NCKAP1: variants seen among roughly 807,000 people sequenced by gnomAD.
NCKAP1 encodes the protein nck-associated protein 1.
NCKAP1 carries 21 observed loss-of-function variants against 151.2 expected under a neutral mutation model. That is an observed-to-expected ratio of 0.14 (90% CI 0.10 to 0.20). NCKAP1 has a LOEUF of 0.20. Ranked by LOEUF, NCKAP1 falls within the 10% of genes least tolerant of loss-of-function variation. The pLI is 1.00. For missense variants in NCKAP1, 933 were observed against 1,352.1 expected, an observed-to-expected ratio of 0.69 and a Z score of 4.86; for synonymous variants, 484 against 451.8, an observed-to-expected ratio of 1.07 and a Z score of -0.90.
At chr2:182,926,458 A>G (rs1696650293) in intron 30 of NCKAP1, among the ~76,000 whole-genome samples, 1 of 152,074 alleles carries the variant, frequency 6.6e-6, no homozygotes, top group African/African-American at 2.4e-5. Flanking sequence ...AGAATTACAG[A>G]AAATTACGAG....
chr2:182,935,599 G>T (rs544437515), intron 24 of NCKAP1: 2 of 319,456 alleles, frequency 6.3e-6, no homozygotes, highest in Non-Finnish European at 1.1e-5. Flanking sequence ...ATCAAATGGA[G>T]TATATTGTGC....
chr2:182,958,576 T>TA (rs1048112850), intron 18 of NCKAP1, among the ~76,000 whole-genome samples: 4 of 152,140 alleles, frequency 2.6e-5, no homozygotes, highest in African/African-American at 7.2e-5. Context: ...GCAAGTGTAA[T>TA]AAAAAAATTT....
chr2:183,025,415 T>C (rs916414616), intron 1 of NCKAP1, among the ~76,000 whole-genome samples: 3 of 152,144 alleles, frequency 2.0e-5, no homozygotes, highest in Admixed American at 1.3e-4. Flanking sequence ...TCAGCTCAAA[T>C]TGTAACTATT....
At chr2:182,931,108 T>C (rs1696754105) in intron 26 of NCKAP1, among the ~76,000 whole-genome samples, 1 of 152,102 alleles carries the variant, frequency 6.6e-6, no homozygotes, top group East Asian at 1.9e-4. Flanking sequence ...AAAAGATGAA[T>C]AAATGAACAA....
intron 2 of NCKAP1, among the ~76,000 whole-genome samples, chr2:183,019,636 C>G (rs1382101380): frequency 6.6e-6 from 1 of 152,182 alleles, no homozygotes; most frequent in African/African-American, 2.4e-5. Flanking sequence ...CTCAAAAATA[C>G]TTGGCTTAAT....
intron 26 of NCKAP1, among the ~76,000 whole-genome samples, chr2:182,934,211 C>G (rs1239231343): frequency 2.0e-5 from 3 of 151,812 alleles, no homozygotes; most frequent in Non-Finnish European, 2.9e-5. Context: ...GGTCTCAGCT[C>G]GCTACACGCT....
At chr2:182,958,012 C>A (rs1371242814) in intron 18 of NCKAP1, among the ~76,000 whole-genome samples, 2 of 152,150 alleles carry the variant, frequency 1.3e-5, no homozygotes, top group African/African-American at 4.8e-5. Flanking sequence ...TGGAGCATAA[C>A]GTGTAAGGTA....
chr2:182,980,211 T>C (rs1340049025), intron 13 of NCKAP1, among the ~76,000 whole-genome samples: 1 of 151,912 alleles, frequency 6.6e-6, no homozygotes, highest in African/African-American at 2.4e-5. Context: ...TAAATGACCA[T>C]AGAAAAGAAG....
chr2:182,984,671 T>C (rs1341482322), intron 10 of NCKAP1, among the ~76,000 whole-genome samples: 1 of 152,214 alleles, frequency 6.6e-6, no homozygotes, highest in Non-Finnish European at 1.5e-5. Flanking sequence ...ATAGTGCTTC[T>C]GTTACTTTAA....
rs192111929 is a variant in NCKAP1 at position 182,953,800 on chromosome 2, A to G, written c.2154-469T>C. 1.1e-4 allele frequency among the ~76,000 whole-genome samples: 16 copies of G among 152,346 alleles called. No individual in the cohort carries two copies. In the East Asian group the frequency reaches 2.3e-3, roughly 22 times the overall value. ...GCAACAGAGTGAGACTGTCTTAAAA[A>G]AAAAAGAAAAAAGAAAACTTAAAAA... On this transcript the variant is annotated intron_variant, in intron 20 of 30. Coordinates refer to ENST00000361354, the MANE Select transcript of NCKAP1 (RefSeq NM_013436.5).
At position 182,921,320 on chromosome 2, in the gene NCKAP1, T is replaced by C. The variant is rs1199225165; in HGVS notation, c.*4382A>G. 2 of 152,208 alleles carry C rather than the reference T, an allele frequency of 1.3e-5. No individual in the cohort carries two copies. The highest frequency in any genetic ancestry group is 2.4e-5 in the African/African-American group (1 of 41,454). 9.4% of individuals were successfully genotyped at this position (152,208 alleles called of 1,614,324 possible). A position where few individuals can be genotyped will look rare whatever the true frequency, so the allele number is the denominator to read the frequency against. ...TGGATTCTAGAAGCTTATTTTATGA[T>C]GGTAATCTTCAGTTTAGGTCTTGGT... On this transcript the variant is annotated 3_prime_UTR_variant, in exon 31 of 31. Coordinates refer to ENST00000361354, the MANE Select transcript of NCKAP1 (RefSeq NM_013436.5).
At position 182,935,281 on chromosome 2, in the gene NCKAP1, A is replaced by ATG. The variant is rs1559072059; in HGVS notation, c.2778+10_2778+11dup. 6.5e-7 allele frequency: 1 copy of ATG among 1,539,582 alleles called. No homozygotes were observed. The highest frequency in any genetic ancestry group is 2.0e-5 in the Admixed American group (1 of 50,118). On this transcript the variant is annotated intron_variant, in intron 25 of 30. Transcript: ENST00000361354. ...TTTGGATACCGAGTATATACTTGTA[A>ATG]TGGTTTCTTACATCTCTAAGTGCTT... is the stretch of plus-strand genomic sequence containing the variant.
chr2:183,037,720 C>T (rs1384203557), intron 1 of NCKAP1, among the ~76,000 whole-genome samples: 2 of 152,192 alleles, frequency 1.3e-5, no homozygotes, highest in African/African-American at 4.8e-5. Context: ...AGCGGCGCCC[C>T]CACCCCGTGC....
At chr2:182,935,225 CTT>C in intron 25 of NCKAP1, 66 bp downstream of exon 25, 1 of 1,136,220 alleles carries the variant, frequency 8.8e-7, no homozygotes. Context: ...TGAAACTTAA[CTT>C]TAAATTTCTG....
chr2:183,000,958 G>C (rs915618616), intron 6 of NCKAP1, among the ~76,000 whole-genome samples: 2 of 152,106 alleles, frequency 1.3e-5, no homozygotes, highest in Non-Finnish European at 2.9e-5. Context: ...AGCCAGGCGT[G>C]GTAGTGCATG....
rs139251790 is a variant in NCKAP1 at position 182,979,611 on chromosome 2, A to C, written c.1342-696T>G. ...ATGAAAATGGTAAATTTTGTTACAT[A>C]TATTTTACCACAATAAAATATTAAC... On this transcript the variant is annotated intron_variant, in intron 13 of 30. Transcript: ENST00000361354. 5.0e-3 allele frequency among the ~76,000 whole-genome samples: 767 copies of C among 152,240 alleles called. 11 individuals carry two copies. Among genetic ancestry groups the C allele is most frequent in the African/African-American group, 0.017 (727 of 41,572 alleles).
In NCKAP1 at chr2:183,002,218, T is replaced by C; in HGVS notation, c.421A>G (p.Thr141Ala). Residue 141 changes from threonine to alanine, a missense_variant, in exon 5 of 31, where the codon ACA becomes GCA. Physicochemically the swap from Thr to Ala is moderately conservative, Grantham distance 58 (BLOSUM62 0). This residue lies in a region of NCKAP1 where 607 missense variants were observed against 795.0 expected (regional missense o/e 0.76). Coordinates refer to ENST00000361354, the MANE Select transcript of NCKAP1 (RefSeq NM_013436.5). ...KNYLDLIITY[T>A]TLMILLSRIE... ...CGAGACAGCAGTATCATTAGTGTTG[T>C]ATAGGTTATAATTAAATCTAAGTAG... is the stretch of plus-strand genomic sequence containing the variant. 6.3e-7 allele frequency: 1 copy of C among 1,576,700 alleles called. No homozygotes were observed. The highest frequency in any genetic ancestry group is 8.7e-7 in the Non-Finnish European group (1 of 1,146,744).
chr2:182,978,964 C>A, intron 13 of NCKAP1, 49 bp from the exon 14 acceptor site: 1 of 1,289,600 alleles, frequency 7.8e-7, no homozygotes, highest in Non-Finnish European at 1.1e-6. Flanking sequence ...AGTTGGGAAA[C>A]AACTCAGGTC....
At chr2:182,997,446 T>C (rs1396097896) in intron 6 of NCKAP1, among the ~76,000 whole-genome samples, 2 of 152,242 alleles carry the variant, frequency 1.3e-5, no homozygotes, top group African/African-American at 4.8e-5. Context: ...TGTGTCGCTA[T>C]TTTCATTTGT....
Sources: allele counts gnomAD v4.1 joint callset (sites outside exome capture counted in the v4.1 genomes callset), GRCh38; gene constraint gnomAD v4.1.1; regional missense constraint gnomAD v4.1.1; transcripts MANE v1.5; gene names NCBI Gene and HGNC (gene_info 2026-07-23, HGNC 2026-07-21).